SLC20A2: variants seen among roughly 807,000 people sequenced by gnomAD.
SLC20A2 encodes the protein solute carrier family 20 member 2, also known as sodium-dependent phosphate transporter 2.
In SLC20A2, 30 loss-of-function variants were observed where a neutral mutation model predicts 61.0. The observed-to-expected ratio is 0.49, with a 90% CI of 0.37 to 0.67. The LOEUF (loss-of-function observed/expected upper bound fraction) is 0.67, where lower values mean the gene tolerates loss of function less well. Among genes scored for constraint, SLC20A2 ranks in the 30% least tolerant of loss-of-function variants. The pLI is 0.00. For synonymous variants in SLC20A2, 351 were observed against 353.3 expected (o/e 0.99, Z 0.07); for missense variants, 626 against 866.4 (o/e 0.72, Z 3.48).
chr8:42,437,189 T>G lies in SLC20A2; in HGVS notation c.1323A>C (p.Ala441=). 6.2e-7 allele frequency: 1 copy of G among 1,613,704 alleles called. No homozygotes were observed. The highest frequency in any genetic ancestry group is 8.5e-7 in the Non-Finnish European group (1 of 1,180,028). Residue 441 remains alanine, a synonymous_variant, in exon 8 of 11, where the codon GCA becomes GCC. Transcript: ENST00000520262. The surrounding 1 kb of genome is among the most constrained non-coding windows in gnomAD (Gnocchi z 6.4). The part of the protein sequence containing the change: ...DSYSSYCNAV[A]EAEIEAEEGG... ...CCTCCTCCGCCTCGATCTCCGCCTC[T>G]GCCACCGCGTTACAGTAGCTCGAGT... is the stretch of plus-strand genomic sequence containing the variant.
At chr8:42,539,193 G>C (rs1812898305) in intron 1 of SLC20A2, among the ~76,000 whole-genome samples, 1 of 152,062 alleles carries the variant, frequency 6.6e-6, no homozygotes, top group South Asian at 2.1e-4. Context: ...CCCAAAGATG[G>C]ACCACCAGAA....
At chr8:42,538,760 T>C (rs1014428721) in intron 1 of SLC20A2, among the ~76,000 whole-genome samples, 1 of 152,258 alleles carries the variant, frequency 6.6e-6, no homozygotes, top group Non-Finnish European at 1.5e-5. Context: ...ATCATTTAAA[T>C]GCCTTATGAA....
chr8:42,455,253 TATATAGAGAG>T (rs763827033), intron 5 of SLC20A2, among the ~76,000 whole-genome samples: 1,445 of 93,612 alleles, frequency 0.015, 12 homozygotes, highest in Admixed American at 0.041. Context: ...TATATATATA[TATATAGAGAG>T]AGAGAGAGAG....
chr8:42,421,633 C>T (rs561886603), intron 10 of SLC20A2, among the ~76,000 whole-genome samples: 5 of 152,148 alleles, frequency 3.3e-5, no homozygotes, highest in South Asian at 2.1e-4. Flanking sequence ...GGAGAAACCC[C>T]GTCTCTACTA....
chr8:42,431,648 A>G (rs1258874176), intron 8 of SLC20A2, among the ~76,000 whole-genome samples: 1 of 152,248 alleles, frequency 6.6e-6, no homozygotes, highest in East Asian at 1.9e-4. Flanking sequence ...ATAGCCAGAG[A>G]GAAGGCAATG....
At chr8:42,492,062 T>C (rs1293024711) in intron 1 of SLC20A2, among the ~76,000 whole-genome samples, 3 of 152,078 alleles carry the variant, frequency 2.0e-5, no homozygotes, top group African/African-American at 7.2e-5. Context: ...CCAAAGGAAA[T>C]GAAGATGCAC....
chr8:42,431,079 C>A (rs1803839966), intron 8 of SLC20A2, among the ~76,000 whole-genome samples: 1 of 152,186 alleles, frequency 6.6e-6, no homozygotes, highest in African/African-American at 2.4e-5. Flanking sequence ...AGTTGCATGT[C>A]TCTCAGTTTA....
Position 42,437,247 on chromosome 8 carries a change from G to C in SLC20A2, c.1265C>G (p.Ser422Cys). 6.2e-7 allele frequency: 1 copy of C among 1,613,924 alleles called. No homozygotes were observed. The highest frequency in any genetic ancestry group is 8.5e-7 in the Non-Finnish European group (1 of 1,180,040). The change falls in exon 8 of 11, where the codon TCC becomes TGC. Residue 422 changes from serine (S) to cysteine (C), a missense_variant. Physicochemically the swap from Ser to Cys is moderately radical, Grantham distance 112. Coordinates refer to ENST00000520262, the MANE Select transcript of SLC20A2 (RefSeq NM_001257180.2). The surrounding 1 kb of genome is among the most constrained non-coding windows in gnomAD (Gnocchi z 6.4). Reference sequence around the variant, plus strand: ...GTAGCGCAGCCTCTTCTTGGAGTAGGACACGGTGTCGCCCACCAGCTTCTC... The same window carrying C: ...GTAGCGCAGCCTCTTCTTGGAGTAGCACACGGTGTCGCCCACCAGCTTCTC... Reference protein sequence around the residue: ...DSEKLVGDTVSYSKKRLRYDS... With the variant: ...DSEKLVGDTVCYSKKRLRYDS...
intron 1 of SLC20A2, among the ~76,000 whole-genome samples, chr8:42,473,534 C>T (rs1342514290): frequency 1.3e-5 from 2 of 152,210 alleles, no homozygotes; most frequent in Non-Finnish European, 2.9e-5. Context: ...CAGGTCCCTG[C>T]TCAAATATCA....
chr8:42,457,796 C>T (rs1806335472), intron 5 of SLC20A2, among the ~76,000 whole-genome samples: 2 of 151,860 alleles, frequency 1.3e-5, no homozygotes, highest in African/African-American at 2.4e-5. Context: ...AGTATTTAAG[C>T]CTTTAAGATC....
chr8:42,454,334 A>G (rs1447185545), intron 5 of SLC20A2, among the ~76,000 whole-genome samples: 1 of 152,102 alleles, frequency 6.6e-6, no homozygotes, highest in African/African-American at 2.4e-5. Context: ...CCTACAGCCA[A>G]TCTCCGAGGA....
chr8:42,487,664 C>T (rs995115255), intron 1 of SLC20A2, among the ~76,000 whole-genome samples: 3 of 152,250 alleles, frequency 2.0e-5, no homozygotes, highest in East Asian at 1.9e-4. Flanking sequence ...GCCTCTCTAG[C>T]GAACTTGTCA....
chr8:42,514,819 G>A (rs945253316), intron 1 of SLC20A2, among the ~76,000 whole-genome samples: 2 of 151,610 alleles, frequency 1.3e-5, no homozygotes, highest in African/African-American at 4.8e-5. Context: ...GTCAAAAAAC[G>A]TACATGTAAT....
intron 5 of SLC20A2, among the ~76,000 whole-genome samples, chr8:42,448,394 G>A (rs73631786): frequency 0.013 from 2,047 of 152,244 alleles, 56 homozygotes; most frequent in African/African-American, 0.046. Context: ...AGCAGGGCCC[G>A]AAAGAGAAGT....
intron 1 of SLC20A2, among the ~76,000 whole-genome samples, chr8:42,518,193 G>A (rs1013061832): frequency 6.6e-6 from 1 of 152,138 alleles, no homozygotes; most frequent in African/African-American, 2.4e-5. Context: ...GCACACCTCA[G>A]CCTCCCAAAG....
At chr8:42,499,307 G>A (rs192199330) in intron 1 of SLC20A2, among the ~76,000 whole-genome samples, 4 of 152,246 alleles carry the variant, frequency 2.6e-5, no homozygotes, top group Non-Finnish European at 5.9e-5. Flanking sequence ...ATTTCACCAG[G>A]CACACGGGGT....
chr8:42,521,491 G>T (rs1811620587), intron 1 of SLC20A2, among the ~76,000 whole-genome samples: 1 of 119,970 alleles, frequency 8.3e-6, no homozygotes, highest in African/African-American at 2.5e-5. Flanking sequence ...AATCGATCCT[G>T]TATTTTTTTT....
In SLC20A2 at chr8:42,437,907, C is replaced by CCCAG; in HGVS notation, c.935-334_935-331dup. On this transcript the variant is annotated intron_variant, in intron 7 of 10. Coordinates refer to ENST00000520262, the MANE Select transcript of SLC20A2 (RefSeq NM_001257180.2). The surrounding 1 kb of genome is among the most constrained non-coding windows in gnomAD (Gnocchi z 6.4). ...CGGATTACAAGCGTGAGCCAACGTG[C>CCCAG]CCAGCCCCAGCCTTTCGAATATAAG... Among the ~76,000 whole-genome samples, 1 of 151,804 alleles carries CCCAG rather than the reference C, an allele frequency of 6.6e-6. No homozygotes were observed. The highest frequency in any genetic ancestry group is 1.5e-5 in the Non-Finnish European group (1 of 67,936).
intron 1 of SLC20A2, among the ~76,000 whole-genome samples, chr8:42,486,194 A>C (rs1325838638): frequency 6.6e-6 from 1 of 151,132 alleles, no homozygotes; most frequent in Non-Finnish European, 1.5e-5. Context: ...ATTACTGTCT[A>C]GTGTCACTTC....
Sources: gnomAD v4.1 joint callset for allele counts (sites outside exome capture counted in the v4.1 genomes callset) on GRCh38, gnomAD v4.1.1 for gene constraint, Gnocchi (gnomAD v3.1) non-coding constraint, MANE v1.5 for transcripts, NCBI Gene and HGNC (gene_info 2026-07-23, HGNC 2026-07-21) for gene names.